C18orf63: variants seen among roughly 807,000 people sequenced by gnomAD.
C18orf63 encodes the protein chromosome 18 open reading frame 63.
Under a neutral mutation model 75.3 loss-of-function variants are expected in C18orf63, and 50 were observed. The ratio of observed to expected loss-of-function variants is 0.66; its 90% CI spans 0.53 to 0.84. The LOEUF (loss-of-function observed/expected upper bound fraction) is 0.84. Among genes scored for constraint, C18orf63 ranks in the 40% least tolerant of loss-of-function variants. C18orf63 has a pLI of 0.00. For synonymous variants in C18orf63, 232 were observed against 267.6 expected, an observed-to-expected ratio of 0.87 and a Z score of 1.30; for missense variants, 732 against 800.2, an observed-to-expected ratio of 0.91 and a Z score of 1.03.
chr18:74,329,093 A>T, intron 6 of C18orf63, 57 bp downstream of exon 6: 1 of 1,138,324 alleles, frequency 8.8e-7, no homozygotes, highest in Non-Finnish European at 1.3e-6. Context: ...GTTGCTAAAG[A>T]AAACAGTATC....
chr18:74,354,029 C>T lies in C18orf63; in HGVS notation c.1762C>T (p.Leu588=), dbSNP rs1309798381. 7 of 1,536,244 alleles carry T rather than the reference C, an allele frequency of 4.6e-6. No homozygotes were observed. The East Asian group carries it at 7.3e-5, about 16-fold the overall frequency. The change falls in exon 12 of 14, where the codon CTA becomes TTA. Residue 588 remains leucine (L), a synonymous_variant. Coordinates refer to ENST00000579455, the MANE Select transcript of C18orf63 (RefSeq NM_001174123.2). ...TQILGKSHGS[L]KLKRQPHIFE... ...AATTTTAGGGAAAAGCCATGGGTCA[C>T]TAAAACTGAAAAGACAGCCACACAT...
At position 74,357,319 on chromosome 18, in the gene C18orf63, G is replaced by C. The variant is rs1984783946; in HGVS notation, c.*872G>C. The C allele has an allele frequency of 6.6e-6, 1 of 152,078 alleles. No individual in the cohort carries two copies. The highest frequency in any genetic ancestry group is 2.4e-5 in the African/African-American group (1 of 41,384). 9.4% of individuals were successfully genotyped at this position (152,078 alleles called of 1,614,324 possible). A position where few individuals can be genotyped will look rare whatever the true frequency, so the allele number is the denominator to read the frequency against. On this transcript the variant is annotated 3_prime_UTR_variant, in exon 14 of 14. Transcript: ENST00000579455. ...CTAGTCTCAAGCAAATTCATTCTGG[G>C]TTCCTGGCACAGACTTAGGGATATG...
chr18:74,323,594 G>A (rs1472106124), intron 4 of C18orf63, among the ~76,000 whole-genome samples: 2 of 152,140 alleles, frequency 1.3e-5, no homozygotes, highest in Non-Finnish European at 2.9e-5. Flanking sequence ...CTAGCTATGA[G>A]AACCAGATTT....
At chr18:74,320,109 G>T (rs1465897529) in intron 2 of C18orf63, among the ~76,000 whole-genome samples, 1 of 152,166 alleles carries the variant, frequency 6.6e-6, no homozygotes, top group Non-Finnish European at 1.5e-5. Context: ...GATAGTGAGT[G>T]TATTAGTCTG....
In C18orf63 at chr18:74,320,245, T is replaced by C. The variant is rs553222962; in HGVS notation, c.135-268T>C. Among the ~76,000 whole-genome samples, 4 of 152,234 alleles carry C rather than the reference T, an allele frequency of 2.6e-5. No homozygotes were observed. In the South Asian group the frequency reaches 6.2e-4, roughly 24 times the overall value. On this transcript the variant is annotated intron_variant, in intron 2 of 13. Transcript: ENST00000579455. Reference sequence around the variant, plus strand: ...GGAGGCCTCAGGAAACTTAAAATCATGTCAGAAGGGTGAAGGGGAAGCAAG... The same window carrying C: ...GGAGGCCTCAGGAAACTTAAAATCACGTCAGAAGGGTGAAGGGGAAGCAAG...
intron 7 of C18orf63, among the ~76,000 whole-genome samples, chr18:74,337,750 C>T (rs1478439829): frequency 1.3e-5 from 2 of 152,080 alleles, no homozygotes; most frequent in South Asian, 2.1e-4. Flanking sequence ...TCTTATCTTC[C>T]TCTTCCTGCA....
intron 11 of C18orf63, among the ~76,000 whole-genome samples, chr18:74,351,486 G>A (rs1328314366): frequency 6.6e-6 from 1 of 152,120 alleles, no homozygotes; most frequent in Non-Finnish European, 1.5e-5. Flanking sequence ...GAGATCCCCA[G>A]CACAGGAAGA....
intron 3 of C18orf63, among the ~76,000 whole-genome samples, chr18:74,321,358 G>A (rs1004285639): frequency 1.4e-5 from 2 of 147,642 alleles, no homozygotes; most frequent in Non-Finnish European, 3.0e-5. Flanking sequence ...AGGCTGGAGT[G>A]CAGTGGCTCC....
chr18:74,339,985 A>G (rs1984453197), intron 8 of C18orf63, among the ~76,000 whole-genome samples: 1 of 152,212 alleles, frequency 6.6e-6, no homozygotes, highest in Non-Finnish European at 1.5e-5. Flanking sequence ...AGCACAGACA[A>G]CAAAAGCAAA....
chr18:74,343,531 T>C lies in C18orf63; in HGVS notation c.807T>C (p.Ser269=). The C allele has an allele frequency of 6.5e-7, 1 of 1,527,468 alleles. No individual in the cohort carries two copies. Among genetic ancestry groups the C allele is most frequent in the Non-Finnish European group, 8.8e-7 (1 of 1,142,834 alleles). The allele number at this position is 1,527,468 out of a possible 1,614,324, so 94.6% of individuals were successfully genotyped here. Reference sequence around the variant, plus strand: ...TAACATTGTTCAGATATCCTCTCAGTTGCATCAGAAGTCAGCCCATGCAGT... The same window carrying C: ...TAACATTGTTCAGATATCCTCTCAGCTGCATCAGAAGTCAGCCCATGCAGT... ...LGERTFTYPL[S]CIRSQPMQFF... The change falls in exon 11 of 14, where the codon AGT becomes AGC. Residue 269 remains serine (S), a synonymous_variant. Coordinates refer to ENST00000579455, the MANE Select transcript of C18orf63 (RefSeq NM_001174123.2).
Position 74,342,905 on chromosome 18 carries a change from G to C in C18orf63, c.794+579G>C, listed in dbSNP as rs182028068. 4.9e-4 allele frequency among the ~76,000 whole-genome samples: 75 copies of C among 152,210 alleles called. 1 individual carries two copies. Among genetic ancestry groups the C allele is most frequent in the Non-Finnish European group, 2.9e-5 (2 of 67,978 alleles). Reference sequence around the variant, plus strand: ...TTTCACCATTTCCATCTTCTGACCTGCTGGAGTTTAAAAATGGAAGAAGGA... The same window carrying C: ...TTTCACCATTTCCATCTTCTGACCTCCTGGAGTTTAAAAATGGAAGAAGGA... On this transcript the variant is annotated intron_variant, in intron 10 of 13. Coordinates refer to ENST00000579455, the MANE Select transcript of C18orf63 (RefSeq NM_001174123.2).
chr18:74,352,394 A>G (rs1452262997), intron 11 of C18orf63, among the ~76,000 whole-genome samples: 1 of 152,206 alleles, frequency 6.6e-6, no homozygotes, highest in Non-Finnish European at 1.5e-5. Context: ...AATGGTTAAA[A>G]TGGTAAATTT....
chr18:74,328,142 AT>A (rs1984240678), intron 5 of C18orf63, 84 bp downstream of exon 5: 1 of 809,086 alleles, frequency 1.2e-6, no homozygotes, highest in African/African-American at 1.7e-5. Flanking sequence ...CATGCTGCTA[AT>A]AAAGACATAC....
At chr18:74,325,417 T>C (rs1422853346) in intron 4 of C18orf63, among the ~76,000 whole-genome samples, 2 of 152,246 alleles carry the variant, frequency 1.3e-5, no homozygotes, top group East Asian at 3.8e-4. Context: ...TCTTTTTAAA[T>C]TAATTGAGAT....
At chr18:74,337,726 A>G (rs1361017329) in intron 7 of C18orf63, among the ~76,000 whole-genome samples, 3 of 152,004 alleles carry the variant, frequency 2.0e-5, no homozygotes, top group Admixed American at 2.0e-4. Flanking sequence ...TTACCTCACA[A>G]CGTAACTAGC....
intron 13 of C18orf63, among the ~76,000 whole-genome samples, chr18:74,355,190 C>T (rs2145134567): frequency 6.6e-6 from 1 of 152,274 alleles, no homozygotes; most frequent in African/African-American, 2.4e-5. Context: ...AACTAGAAAA[C>T]ATTTTCTTTT....
rs192662864 is a variant in C18orf63, at chr18:74,332,258, G to A, written c.501+1316G>A. On this transcript the variant is annotated intron_variant, in intron 7 of 13. Coordinates refer to ENST00000579455, the MANE Select transcript of C18orf63 (RefSeq NM_001174123.2). ...CAAGGCATCACATAGCAAGAGGGCA[G>A]GGTGTGGAAGCTGAGGTCTCTCTTC... Among the ~76,000 whole-genome samples the A allele has an allele frequency of 1.1e-3, 173 of 152,286 alleles. 1 individual carries two copies. Among genetic ancestry groups the A allele is most frequent in the African/African-American group, 4.1e-3 (171 of 41,558 alleles).
chr18:74,353,859 A>G lies in C18orf63; in HGVS notation c.1592A>G (p.Lys531Arg). The G allele has an allele frequency of 6.5e-7, 1 of 1,536,118 alleles. No individual in the cohort carries two copies. Among genetic ancestry groups the G allele is most frequent in the Non-Finnish European group, 8.7e-7 (1 of 1,146,902 alleles). The change falls in exon 12 of 14, where the codon AAA (lysine) becomes AGA (arginine). Residue 531 changes from lysine to arginine, a missense_variant. Coordinates refer to ENST00000579455, the MANE Select transcript of C18orf63 (RefSeq NM_001174123.2). ...NMTKFPSSRG[K>R]STVSLNKNKQ... ...ACAAAATTTCCCTCTTCTCGTGGAAAATCGACTGTGAGTTTAAACAAAAAT... is the reference window on the plus strand; with the variant it reads ...ACAAAATTTCCCTCTTCTCGTGGAAGATCGACTGTGAGTTTAAACAAAAAT...
chr18:74,320,088 G>A (rs1002698025), intron 2 of C18orf63, among the ~76,000 whole-genome samples: 2 of 152,164 alleles, frequency 1.3e-5, no homozygotes, highest in African/African-American at 4.8e-5. Flanking sequence ...TGTTCCAATA[G>A]AGTAAAAACG....
Sources: allele counts gnomAD v4.1 joint callset (sites outside exome capture counted in the v4.1 genomes callset), GRCh38; gene constraint gnomAD v4.1.1; transcripts MANE v1.5; gene names NCBI Gene and HGNC (gene_info 2026-07-23, HGNC 2026-07-21).